Variants in CTTNBP2 observed in about 807,000 individuals in gnomAD.
CTTNBP2 encodes cortactin-binding protein 2.
Under a neutral mutation model 156.9 loss-of-function variants are expected in CTTNBP2, and 108 were observed. That is an observed-to-expected ratio of 0.69 (90% CI 0.59 to 0.81). CTTNBP2 has a LOEUF of 0.81. Ranked by LOEUF, CTTNBP2 falls within the 30% of genes least tolerant of loss-of-function variation. The probability of loss-of-function intolerance (pLI) is 0.00; values close to 1 mark genes in which losing one functional copy is unlikely to be tolerated. For synonymous variants in CTTNBP2, 767 were observed against 751.8 expected (o/e 1.02, Z -0.33); for missense variants, 1,924 against 2,035.4 (o/e 0.95, Z 1.05).
At chr7:117,790,787 G>A (rs947782737) in intron 4 of CTTNBP2, among the ~76,000 whole-genome samples, 25 of 152,092 alleles carry the variant, frequency 1.6e-4, no homozygotes, top group Non-Finnish European at 3.2e-4. Context: ...GAGGTCTTGC[G>A]AGATAAATAT....
At chr7:117,842,246 G>A (rs550883611) in intron 2 of CTTNBP2, among the ~76,000 whole-genome samples, 2 of 152,214 alleles carry the variant, frequency 1.3e-5, no homozygotes, top group East Asian at 3.9e-4. Context: ...TGTTGCCTAG[G>A]CTGGAGTGCA....
At chr7:117,747,590 C>T (rs1386539406) in intron 12 of CTTNBP2, among the ~76,000 whole-genome samples, 4 of 152,064 alleles carry the variant, frequency 2.6e-5, no homozygotes, top group Non-Finnish European at 4.4e-5. Flanking sequence ...CTGGCAAATA[C>T]GGTGAAACCC....
rs1794949073 is a variant in CTTNBP2 at position 117,724,036 on chromosome 7, T to C, written c.4447+511A>G. ...TGAGCCACCATGCCTGGCCGGAATATATATATTTTTTACCACTCTATTTCC... is the reference window on the plus strand; with the variant it reads ...TGAGCCACCATGCCTGGCCGGAATACATATATTTTTTACCACTCTATTTCC... On this transcript the variant is annotated intron_variant, in intron 19 of 22. Coordinates refer to ENST00000160373, the MANE Select transcript of CTTNBP2 (RefSeq NM_033427.3). 4.6e-5 allele frequency among the ~76,000 whole-genome samples: 7 copies of C among 152,238 alleles called. No individual in the cohort carries two copies. In the South Asian group the frequency reaches 1.5e-3, roughly 32 times the overall value.
intron 22 of CTTNBP2, chr7:117,715,872 C>T (rs1794326922): frequency 6.6e-6 from 1 of 152,172 alleles, no homozygotes; most frequent in Admixed American, 6.5e-5. Context: ...GGAGATACTT[C>T]CTGATAACAG....
chr7:117,818,188 A>T (rs1800733797), intron 2 of CTTNBP2, among the ~76,000 whole-genome samples: 1 of 152,216 alleles, frequency 6.6e-6, no homozygotes, highest in Non-Finnish European at 1.5e-5. Context: ...ACAGTTTTTC[A>T]AGATTCTGCA....
chr7:117,774,618 AC>A (rs1797996079), intron 8 of CTTNBP2, among the ~76,000 whole-genome samples: 1 of 82,886 alleles, frequency 1.2e-5, no homozygotes. Flanking sequence ...AACCATTCCC[AC>A]CCACCCCACC....
In CTTNBP2 at chr7:117,719,502, A is replaced by C; in HGVS notation, c.4644+2T>G. The C allele has an allele frequency of 6.2e-7, 1 of 1,613,418 alleles. No homozygotes were observed. The highest frequency in any genetic ancestry group is 8.5e-7 in the Non-Finnish European group (1 of 1,179,556). On this transcript the variant is annotated splice_donor_variant, in intron 21 of 22. Transcript: ENST00000160373. LOFTEE classifies it high-confidence loss of function. ...TCAATGCCCCCCATTTGTACTGCTC[A>C]CCTTGCTGATATCAGACTCAGACTT...
chr7:117,810,975 C>T lies in CTTNBP2; in HGVS notation c.204G>A (p.Glu68=), dbSNP rs747873159. The T allele has an allele frequency of 5.6e-6, 9 of 1,612,570 alleles. No individual in the cohort carries two copies. In the Admixed American group the frequency reaches 1.3e-4, roughly 24 times the overall value. ...VIEALRARRK[E]VFIQERYGRF... ...TCCCATACCGTTCCTGGATAAATAC[C>T]TCCTTCCTGCGAGCCTGGAACAAAA... The change falls in exon 3 of 23, where the codon GAG becomes GAA. Residue 68 remains glutamate (E), a synonymous_variant. Transcript: ENST00000160373.
At position 117,711,672 on chromosome 7, in the gene CTTNBP2, T is replaced by A; in HGVS notation, c.4857A>T (p.Lys1619Asn). 6.2e-7 allele frequency: 1 copy of A among 1,614,070 alleles called. No homozygotes were observed. The highest frequency in any genetic ancestry group is 8.5e-7 in the Non-Finnish European group (1 of 1,179,940). ...TGGTGTTCTGGGAACACTGGGTGAC[T>A]TTACTTCTAGGAACAGGAAGAAAAG... ...VKSFLPVPRS[K>N]VTQCSQNTKR... Residue 1619 changes from lysine to asparagine, a missense_variant, in exon 23 of 23, where the codon AAA becomes AAT. Transcript: ENST00000160373.
At chr7:117,757,771 G>T (rs1206285610) in intron 11 of CTTNBP2, 104 bp downstream of exon 11, 3 of 681,672 alleles carry the variant, frequency 4.4e-6, no homozygotes, top group Non-Finnish European at 7.4e-6. Flanking sequence ...CATGTGCGTG[G>T]CTAGAAGACA....
intron 3 of CTTNBP2, among the ~76,000 whole-genome samples, chr7:117,806,825 C>G (rs1298431107): frequency 6.8e-6 from 1 of 146,622 alleles, no homozygotes; most frequent in Non-Finnish European, 1.5e-5. Flanking sequence ...ATTGTGCGAT[C>G]TCGGCTCACT....
At chr7:117,715,004 G>A (rs1195410301) in intron 22 of CTTNBP2, among the ~76,000 whole-genome samples, 1 of 152,188 alleles carries the variant, frequency 6.6e-6, no homozygotes, top group Non-Finnish European at 1.5e-5. Context: ...ACTAATTTGT[G>A]TAGAAAGGCA....
chr7:117,810,047 C>T (rs1185243495), intron 3 of CTTNBP2, among the ~76,000 whole-genome samples: 3 of 152,018 alleles, frequency 2.0e-5, no homozygotes, highest in Admixed American at 6.6e-5. Context: ...ATTATCACCA[C>T]AAGTTTTCAT....
At chr7:117,800,021 T>C (rs1436774404) in intron 3 of CTTNBP2, among the ~76,000 whole-genome samples, 1 of 152,062 alleles carries the variant, frequency 6.6e-6, no homozygotes, top group Non-Finnish European at 1.5e-5. Context: ...TGGAGAAATG[T>C]ACTATAATTA....
chr7:117,724,824 A>G, intron 18 of CTTNBP2, 92 bp from the exon 19 acceptor site: 1 of 1,424,614 alleles, frequency 7.0e-7, no homozygotes, highest in Non-Finnish European at 9.6e-7. Context: ...ACTGTTCAAA[A>G]TAATGCATTT....
intron 12 of CTTNBP2, among the ~76,000 whole-genome samples, chr7:117,747,798 G>C (rs1796416000): frequency 6.6e-6 from 1 of 152,070 alleles, no homozygotes; most frequent in African/African-American, 2.4e-5. Context: ...AAAGACATGA[G>C]GTTTGGCCTC....
chr7:117,820,647 T>A (rs1800903665), intron 2 of CTTNBP2, among the ~76,000 whole-genome samples: 1 of 152,220 alleles, frequency 6.6e-6, no homozygotes, highest in African/African-American at 2.4e-5. Flanking sequence ...CCCCATTGAA[T>A]ATCTCTGATG....
At chr7:117,713,998 TAAAAC>T (rs1483213046) in intron 22 of CTTNBP2, 13 of 152,278 alleles carry the variant, frequency 8.5e-5, no homozygotes, top group Non-Finnish European at 1.2e-4. Context: ...AGCTTCCTGA[TAAAAC>T]AAAAAACAGA....
At chr7:117,743,654 C>T (rs1385502313) in intron 14 of CTTNBP2, among the ~76,000 whole-genome samples, 2 of 146,876 alleles carry the variant, frequency 1.4e-5, no homozygotes, top group Non-Finnish European at 3.0e-5. Context: ...CCCAGCTACT[C>T]GGGAGGCTGA....
Sources: allele counts gnomAD v4.1 joint callset (sites outside exome capture counted in the v4.1 genomes callset), GRCh38; gene constraint gnomAD v4.1.1; transcripts MANE v1.5; gene names NCBI Gene and HGNC (gene_info 2026-07-23, HGNC 2026-07-21).